The following TMC1 variants were observed in gnomAD, a reference collection of about 807,000 sequenced individuals.
TMC1 encodes transmembrane channel like 1, also known as transmembrane channel-like protein 1.
TMC1 carries 84 observed loss-of-function variants against 105.8 expected under a neutral mutation model. The ratio of observed to expected loss-of-function variants is 0.79; its 90% CI spans 0.67 to 0.95. The LOEUF (loss-of-function observed/expected upper bound fraction) is 0.95. TMC1 is among the 40% of genes least tolerant of loss of function. The pLI is 0.00. For synonymous variants in TMC1, 315 were observed against 311.5 expected (o/e 1.01, Z -0.12); for missense variants, 817 against 914.1 (o/e 0.89, Z 1.37).
At chr9:72,685,210 C>CCA (rs1826359406) in intron 5 of TMC1, among the ~76,000 whole-genome samples, 1 of 144,012 alleles carries the variant, frequency 6.9e-6, no homozygotes, top group Non-Finnish European at 1.5e-5. Context: ...GGGTTCATAC[C>CCA]ATTCTCCTGT....
chr9:72,556,064 A>C (rs1823934239), intron 1 of TMC1, among the ~76,000 whole-genome samples: 1 of 150,528 alleles, frequency 6.6e-6, no homozygotes, highest in South Asian at 2.1e-4. Context: ...CTAATCCCTA[A>C]TCCACTTGGT....
chr9:72,637,460 C>T (rs1825555165), intron 4 of TMC1, among the ~76,000 whole-genome samples: 1 of 152,090 alleles, frequency 6.6e-6, no homozygotes, highest in Admixed American at 6.6e-5. Context: ...AGTAGGAACT[C>T]CTAACAGATT....
chr9:72,813,361 T>C (rs975841985), intron 18 of TMC1, among the ~76,000 whole-genome samples: 35 of 152,214 alleles, frequency 2.3e-4, no homozygotes, highest in Non-Finnish European at 2.2e-4. Flanking sequence ...CCTTCTCTTT[T>C]GTTTTAGTTT....
At chr9:72,610,395 C>G (rs1203170421) in intron 2 of TMC1, among the ~76,000 whole-genome samples, 1 of 152,108 alleles carries the variant, frequency 6.6e-6, no homozygotes, top group African/African-American at 2.4e-5. Flanking sequence ...ATGGTGTAGT[C>G]CAGGCTCATT....
chr9:72,664,407 C>T (rs551968149), intron 5 of TMC1, among the ~76,000 whole-genome samples: 1 of 152,280 alleles, frequency 6.6e-6, no homozygotes, highest in African/African-American at 2.4e-5. Context: ...ACTCCCAAGC[C>T]TGGAAACCTG....
At chr9:72,671,184 T>C (rs2132168869) in intron 5 of TMC1, among the ~76,000 whole-genome samples, 1 of 152,294 alleles carries the variant, frequency 6.6e-6, no homozygotes, top group Middle Eastern at 3.4e-3. Flanking sequence ...TATAATACAA[T>C]GGGGTTATGA....
intron 8 of TMC1, among the ~76,000 whole-genome samples, chr9:72,703,425 C>T (rs1401433383): frequency 1.3e-5 from 2 of 152,194 alleles, no homozygotes; most frequent in Admixed American, 1.3e-4. Flanking sequence ...CTGCACCCAG[C>T]CTCAATCTTT....
intron 1 of TMC1, among the ~76,000 whole-genome samples, chr9:72,526,190 T>C (rs1442329637): frequency 6.6e-6 from 1 of 152,142 alleles, no homozygotes; most frequent in East Asian, 1.9e-4. Flanking sequence ...TTTGTTAATT[T>C]CCTATTGCAG....
At chr9:72,535,325 C>T (rs566391666) in intron 1 of TMC1, among the ~76,000 whole-genome samples, 4 of 152,320 alleles carry the variant, frequency 2.6e-5, no homozygotes, top group South Asian at 4.1e-4. Flanking sequence ...TTGGATTTCT[C>T]CCGAAAACTT....
intron 1 of TMC1, among the ~76,000 whole-genome samples, chr9:72,544,335 G>A (rs1402995551): frequency 1.8e-5 from 1 of 56,586 alleles, no homozygotes; most frequent in Non-Finnish European, 3.1e-5. Flanking sequence ...GCCCCTCAAG[G>A]TATATCCACT....
At chr9:72,807,116 G>A (rs1828611666) in intron 18 of TMC1, among the ~76,000 whole-genome samples, 1 of 152,214 alleles carries the variant, frequency 6.6e-6, no homozygotes, top group African/African-American at 2.4e-5. Flanking sequence ...AGTCAGGCGT[G>A]TCGGCGCGAG....
chr9:72,777,831 TG>T (rs1187007872), intron 13 of TMC1, among the ~76,000 whole-genome samples: 1 of 152,214 alleles, frequency 6.6e-6, no homozygotes, highest in Non-Finnish European at 1.5e-5. Context: ...CAAGCATATG[TG>T]GTATGCATTT....
chr9:72,694,291 A>G (rs1411888277), intron 6 of TMC1, among the ~76,000 whole-genome samples: 2 of 152,194 alleles, frequency 1.3e-5, no homozygotes, highest in Non-Finnish European at 2.9e-5. Flanking sequence ...TTCTTCAAAA[A>G]CTTATTAAAA....
chr9:72,631,024 C>T (rs904300838), intron 4 of TMC1, among the ~76,000 whole-genome samples: 140 of 151,926 alleles, frequency 9.2e-4, no homozygotes, highest in African/African-American at 3.1e-3. Flanking sequence ...CACACCATCA[C>T]GCCCGGCTAA....
chr9:72,526,851 C>A (rs4458930), intron 1 of TMC1, among the ~76,000 whole-genome samples: 18,610 of 152,222 alleles, frequency 0.12, 1,535 homozygotes, highest in Middle Eastern at 0.23. Flanking sequence ...GTCCACCAAG[C>A]AGCCCATGAG....
intron 1 of TMC1, among the ~76,000 whole-genome samples, chr9:72,544,549 G>T (rs368806712): frequency 1.4e-5 from 2 of 143,104 alleles, no homozygotes; most frequent in African/African-American, 5.3e-5. Flanking sequence ...GTGCAATCTC[G>T]GCTCACTGCA....
chr9:72,647,896 T>C (rs149307267), intron 4 of TMC1, among the ~76,000 whole-genome samples: 182 of 151,998 alleles, frequency 1.2e-3, no homozygotes, highest in African/African-American at 4.1e-3. Context: ...ACCATTACAA[T>C]TGGTGTCTTT....
At chr9:72,640,645 T>G (rs914825877) in intron 4 of TMC1, among the ~76,000 whole-genome samples, 1 of 152,038 alleles carries the variant, frequency 6.6e-6, no homozygotes, top group Non-Finnish European at 1.5e-5. Context: ...TTTTGTTTTT[T>G]TTTTTGAGAC....
intron 8 of TMC1, among the ~76,000 whole-genome samples, chr9:72,708,793 T>C (rs1484957756): frequency 6.6e-6 from 1 of 152,086 alleles, no homozygotes; most frequent in Non-Finnish European, 1.5e-5. Flanking sequence ...TAGTACTATG[T>C]TGAATAGTAG....
Sources: gnomAD v4.1 joint callset for allele counts (sites outside exome capture counted in the v4.1 genomes callset) on GRCh38, gnomAD v4.1.1 for gene constraint, MANE v1.5 for transcripts, NCBI Gene and HGNC (gene_info 2026-07-23, HGNC 2026-07-21) for gene names.